ADPRHL1: variants seen among roughly 807,000 people sequenced by gnomAD.
ADPRHL1 encodes inactive ADP-ribosyltransferase ARH2.
ADPRHL1 carries 43 observed loss-of-function variants against 44.1 expected under a neutral mutation model. The ratio of observed to expected loss-of-function variants is 0.98; its 90% CI spans 0.76 to 1.26. ADPRHL1 has a LOEUF of 1.26. Ranked by LOEUF, ADPRHL1 falls within the 50% of genes most tolerant of loss-of-function variation. The pLI is 0.00. For missense variants in ADPRHL1, 2,022 were observed against 2,496.9 expected, an observed-to-expected ratio of 0.81 and a Z score of 4.05; for synonymous variants, 878 against 1,017.4, an observed-to-expected ratio of 0.86 and a Z score of 2.61.
rs542882799 is a variant in ADPRHL1 at position 113,441,261 on chromosome 13, G to A, written c.379+3164C>T. ...GTTATTGGGGGTCTTCACACCATTCGCATTTGGCGTCATTATTATTATCTT... is the reference window on the plus strand; with the variant it reads ...GTTATTGGGGGTCTTCACACCATTCACATTTGGCGTCATTATTATTATCTT... On this transcript the variant is annotated intron_variant, in intron 2 of 7. Coordinates refer to ENST00000612156, the MANE Select transcript of ADPRHL1 (RefSeq NM_001394807.1). The surrounding 1 kb of genome is among the most constrained non-coding windows in gnomAD (Gnocchi z 6.0). Among the ~76,000 whole-genome samples the A allele has an allele frequency of 1.2e-4, 19 of 152,226 alleles. No individual in the cohort carries two copies. Among genetic ancestry groups the A allele is most frequent in the African/African-American group, 4.1e-4 (17 of 41,556 alleles).
intron 2 of ADPRHL1, 36 bp downstream of exon 2, chr13:113,444,389 G>A (rs2044121158): frequency 6.2e-7 from 1 of 1,605,644 alleles, no homozygotes; most frequent in Non-Finnish European, 8.5e-7. Flanking sequence ...TCCCCAGCAG[G>A]GTGGCTTTAG....
Position 113,404,867 on chromosome 13 carries a change from G to A in ADPRHL1, c.4415C>T (p.Pro1472Leu). ...TCCCGGCCCCTCGGGCTCCCCTGGA[G>A]GCACAGCTGGGTTCCTGGCAGCCCT... is the stretch of plus-strand genomic sequence containing the variant. ...GTRAARNPAV[P>L]PGEPEGPGSP... The change falls in exon 8 of 8, where the codon CCT becomes CTT. Residue 1472 changes from proline to leucine, a missense_variant. Physicochemically the swap from Pro to Leu is moderately conservative, Grantham distance 98. Coordinates refer to ENST00000612156, the MANE Select transcript of ADPRHL1 (RefSeq NM_001394807.1). 1 of 1,247,498 alleles carries A rather than the reference G, an allele frequency of 8.0e-7. No individual in the cohort carries two copies. The highest frequency in any genetic ancestry group is 3.1e-4 in the Middle Eastern group (1 of 3,236). 77.3% of individuals were successfully genotyped at this position (1,247,498 alleles called of 1,614,324 possible).
Position 113,402,414 on chromosome 13 carries a change from A to G in ADPRHL1, c.*964T>C, listed in dbSNP as rs977224044. ...TTTCCTTCTTGTGCCTCTAGACAGC[A>G]TTCAAATATTCCAGCCTGAACATGC... On this transcript the variant is annotated 3_prime_UTR_variant, in exon 8 of 8. Coordinates refer to ENST00000612156, the MANE Select transcript of ADPRHL1 (RefSeq NM_001394807.1). 5 of 152,256 alleles carry G rather than the reference A, an allele frequency of 3.3e-5. No individual in the cohort carries two copies. Among genetic ancestry groups the G allele is most frequent in the African/African-American group, 1.2e-4 (5 of 41,452 alleles). The allele number at this position is 152,256 out of a possible 1,614,324, so 9.4% of individuals were successfully genotyped here.
At chr13:113,411,320 C>T (rs560300376) in intron 7 of ADPRHL1, among the ~76,000 whole-genome samples, 43 of 152,220 alleles carry the variant, frequency 2.8e-4, no homozygotes, top group African/African-American at 1.0e-3. Context: ...GACGGGACCA[C>T]TCCCCACACT....
chr13:113,435,236 GTAGAGTGAACA>G (rs2044043260), intron 2 of ADPRHL1, among the ~76,000 whole-genome samples: 1 of 19,050 alleles, frequency 5.2e-5, no homozygotes, highest in African/African-American at 1.2e-4. Context: ...GCACCCAGGT[GTAGAGTGAACA>G]CAGGTGTACC....
intron 2 of ADPRHL1, among the ~76,000 whole-genome samples, chr13:113,439,619 T>TA (rs1480142136): frequency 6.6e-6 from 1 of 151,820 alleles, no homozygotes; most frequent in African/African-American, 2.4e-5. Context: ...GGCTAATTTT[T>TA]GTATTTTTAG....
At chr13:113,421,698 TG>T (rs2043924844) in intron 7 of ADPRHL1, among the ~76,000 whole-genome samples, 1 of 152,120 alleles carries the variant, frequency 6.6e-6, no homozygotes, top group Non-Finnish European at 1.5e-5. Flanking sequence ...GAATCCTAAG[TG>T]GGAGCATAAA....
At chr13:113,420,405 C>A (rs146235451) in intron 7 of ADPRHL1, among the ~76,000 whole-genome samples, 1 of 149,464 alleles carries the variant, frequency 6.7e-6, no homozygotes, top group Non-Finnish European at 1.5e-5. Flanking sequence ...AATGCAGCCG[C>A]GCCCTGCTCA....
At chr13:113,429,141 G>T (rs746049429) in intron 3 of ADPRHL1, 49 bp from the exon 4 acceptor site, 16 of 1,576,136 alleles carry the variant, frequency 1.0e-5, no homozygotes, top group Non-Finnish European at 1.3e-5. Flanking sequence ...GGCCGCTTGG[G>T]AGGGCCTGGG....
At chr13:113,418,407 C>G (rs750057128) in intron 7 of ADPRHL1, among the ~76,000 whole-genome samples, 2 of 152,178 alleles carry the variant, frequency 1.3e-5, no homozygotes, top group Non-Finnish European at 2.9e-5. Context: ...AGTCACCGAG[C>G]CTCCCTGGAT....
chr13:113,425,680 CTTTCT>C (rs1440916799), intron 4 of ADPRHL1, among the ~76,000 whole-genome samples: 2 of 129,438 alleles, frequency 1.5e-5, no homozygotes, highest in African/African-American at 2.8e-5. Context: ...CCTCTTTTTT[CTTTCT>C]TTTTTTTTTT....
intron 4 of ADPRHL1, among the ~76,000 whole-genome samples, chr13:113,427,480 C>A (rs149114529): frequency 6.6e-6 from 1 of 152,174 alleles, no homozygotes. Flanking sequence ...CCACCTGCCT[C>A]GGCCTCCCAA....
chr13:113,407,342 C>A lies in ADPRHL1; in HGVS notation c.1940G>T (p.Arg647Leu), dbSNP rs531589098. The A allele has an allele frequency of 8.1e-7, 1 of 1,232,024 alleles. No homozygotes were observed. Among genetic ancestry groups the A allele is most frequent in the Non-Finnish European group, 1.0e-6 (1 of 988,028 alleles). The allele number at this position is 1,232,024 out of a possible 1,614,324, so 76.3% of individuals were successfully genotyped here. A position where few individuals can be genotyped will look rare whatever the true frequency, so the allele number is the denominator to read the frequency against. ...CTKISHSEAR[R>L]PPRGEASVPP... ...CACGCTGGCTTCTCCTCTGGGTGGA[C>A]GCCTTGCCTCCGAGTGGCTGATTTT... is the stretch of plus-strand genomic sequence containing the variant. The change falls in exon 8 of 8, where the codon CGT becomes CTT. Residue 647 changes from arginine (R) to leucine (L), a missense_variant. Physicochemically the swap from Arg to Leu is moderately radical, Grantham distance 102. Around this residue, in one of 8 missense-constraint regions of ADPRHL1, gnomAD observed 1,221 missense variants for 1,517.8 expected, o/e 0.80. Transcript: ENST00000612156.
intron 3 of ADPRHL1, among the ~76,000 whole-genome samples, chr13:113,430,553 C>G (rs79313211): frequency 0.024 from 3,716 of 152,224 alleles, 74 homozygotes; most frequent in Non-Finnish European, 0.038. Flanking sequence ...AGGGTGGGAA[C>G]AGTGTGGTGC....
chr13:113,424,229 T>C lies in ADPRHL1; in HGVS notation c.895A>G (p.Met299Val), dbSNP rs768306415. The C allele has an allele frequency of 3.1e-6, 5 of 1,612,754 alleles. No homozygotes were observed. The highest frequency in any genetic ancestry group is 4.2e-6 in the Non-Finnish European group (5 of 1,179,820). ...NSWTELCHRA[M>V]FHGGESAATG... is the part of the protein sequence containing the mutation. The stretch of plus-strand genomic sequence containing the variant: ...AGGAACATCTCACCTCCATGAAACA[T>C]GGCCCGGTGACACAGCTCAGTCCAG... The change falls in exon 6 of 8, where the codon ATG (methionine) becomes GTG (valine). Residue 299 changes from methionine (M) to valine (V), a missense_variant. Met to Val is a conservative substitution (Grantham distance 21). Transcript: ENST00000612156.
chr13:113,412,400 G>C (rs942551501), intron 7 of ADPRHL1, among the ~76,000 whole-genome samples: 17 of 152,260 alleles, frequency 1.1e-4, no homozygotes, highest in Middle Eastern at 3.4e-3. Context: ...GGATGGTCTC[G>C]ATCTCCTGAC....
chr13:113,417,532 G>C (rs1400631938), intron 7 of ADPRHL1, among the ~76,000 whole-genome samples: 1 of 152,204 alleles, frequency 6.6e-6, no homozygotes, highest in Non-Finnish European at 1.5e-5. Context: ...CGCGGTCCCT[G>C]CCTTTGTCTG....
In ADPRHL1 at chr13:113,406,492, T is replaced by G; in HGVS notation, c.2790A>C (p.Arg930Ser). 1 of 1,231,982 alleles carries G rather than the reference T, an allele frequency of 8.1e-7. No homozygotes were observed. The highest frequency in any genetic ancestry group is 1.0e-6 in the Non-Finnish European group (1 of 987,976). The allele number at this position is 1,231,982 out of a possible 1,614,324, so 76.3% of individuals were successfully genotyped here. A position where few individuals can be genotyped will look rare whatever the true frequency, so the allele number is the denominator to read the frequency against. ...PRAAPRLAAA[R>S]GAVGADHSVP... ...CACTGTGGTCGGCGCCCACAGCCCC[T>G]CTTGCTGCTGCCAGACGCGGAGCTG... Residue 930 changes from arginine to serine, a missense_variant, in exon 8 of 8, where the codon AGA (arginine) becomes AGC (serine). Arg to Ser is a moderately radical substitution (Grantham distance 110, BLOSUM62 -1). Coordinates refer to ENST00000612156, the MANE Select transcript of ADPRHL1 (RefSeq NM_001394807.1).
intron 1 of ADPRHL1, among the ~76,000 whole-genome samples, chr13:113,452,340 C>T (rs564752731): frequency 6.6e-6 from 1 of 152,338 alleles, no homozygotes; most frequent in South Asian, 2.1e-4. Flanking sequence ...CGGCCACAGG[C>T]TCGATGGCAT....
Sources: gnomAD v4.1 joint callset for allele counts (sites outside exome capture counted in the v4.1 genomes callset) on GRCh38, gnomAD v4.1.1 for gene constraint, gnomAD v4.1.1 regional missense constraint, Gnocchi (gnomAD v3.1) non-coding constraint, MANE v1.5 for transcripts, NCBI Gene and HGNC (gene_info 2026-07-23, HGNC 2026-07-21) for gene names.